USP39: variants seen among roughly 807,000 people sequenced by gnomAD.
The protein encoded by USP39 is ubiquitin carboxyl-terminal hydrolase 39.
USP39 carries 38 observed loss-of-function variants against 66.4 expected under a neutral mutation model. The ratio of observed to expected loss-of-function variants is 0.57; its 90% CI spans 0.44 to 0.75. USP39 has a LOEUF of 0.75. USP39 is among the 30% of genes least tolerant of loss of function. The pLI, the probability that USP39 is intolerant of heterozygous loss-of-function variation, is 0.00. For missense variants in USP39, 608 were observed against 714.4 expected (o/e 0.85, Z 1.70); for synonymous variants, 303 against 274.6 (o/e 1.10, Z -1.02).
intron 6 of USP39, 54 bp from the exon 7 acceptor site, chr2:85,635,999 G>A (rs796648763): frequency 2.4e-6 from 3 of 1,237,032 alleles, no homozygotes; most frequent in East Asian, 2.5e-5. Flanking sequence ...CATGGTTTAA[G>A]TTAACTCTAA....
intron 1 of USP39, among the ~76,000 whole-genome samples, chr2:85,603,755 G>T (rs1408510247): frequency 2.0e-5 from 3 of 151,856 alleles, no homozygotes; most frequent in Non-Finnish European, 4.4e-5. Context: ...ACCTCACCCG[G>T]CTAATTTTTT....
upstream of USP39, chr2:85,611,019 A>C (rs1673483771): frequency 6.4e-6 from 1 of 157,370 alleles, no homozygotes; most frequent in Non-Finnish European, 1.4e-5. Context: ...TCGGCCTCCC[A>C]AAGTGCTGGG....
upstream of USP39, chr2:85,607,376 C>T (rs922792145): frequency 6.6e-6 from 1 of 152,158 alleles, no homozygotes; most frequent in African/African-American, 2.4e-5. Flanking sequence ...ACTTCTAGCC[C>T]AGCTGCCTAA....
At chr2:85,634,390 A>G (rs1283500348) in intron 6 of USP39, among the ~76,000 whole-genome samples, 1 of 152,086 alleles carries the variant, frequency 6.6e-6, no homozygotes, top group African/African-American at 2.4e-5. Context: ...CTTGAGGAAC[A>G]TAGTGAGACT....
chr2:85,621,263 G>A, intron 2 of USP39: 2 of 446,072 alleles, frequency 4.5e-6, no homozygotes, highest in Non-Finnish European at 8.2e-6. Context: ...TGAGAAAGAG[G>A]CTCGTGGGTA....
At chr2:85,611,189 C>T (rs1673496610), upstream of USP39, 4 of 1,087,700 alleles carry the variant, frequency 3.7e-6, no homozygotes, top group Non-Finnish European at 4.6e-6. Context: ...GCCTGGGCGA[C>T]AGAGACCTAG....
chr2:85,612,091 G>A (rs2104172891), upstream of USP39: 1 of 1,020,016 alleles, frequency 9.8e-7, no homozygotes, highest in East Asian at 2.8e-5. Context: ...CCCGCATCCT[G>A]ACTTCCGGTC....
At chr2:85,636,248 A>G in intron 7 of USP39, 118 bp downstream of exon 7, 1 of 916,430 alleles carries the variant, frequency 1.1e-6, no homozygotes, top group Non-Finnish European at 1.7e-6. Context: ...TGGGTGGATT[A>G]CCTGAGGTCA....
intron 2 of USP39, among the ~76,000 whole-genome samples, chr2:85,620,273 G>A (rs953336288): frequency 1.3e-5 from 2 of 151,978 alleles, no homozygotes; most frequent in Non-Finnish European, 2.9e-5. Context: ...TTGAGCTCAG[G>A]AGTTTGAGCA....
rs533542740 is a variant in USP39 at position 85,621,521 on chromosome 2, T to C, written c.375T>C (p.Ser125=). The change falls in exon 3 of 13, where the codon TCT becomes TCC. Residue 125 remains serine, a synonymous_variant. Transcript: ENST00000323701. ...ACTTTGACTTTGAGAAACTGTGTTC[T>C]ATCTCCCTCTCACACATCAATGCTT... ...VLDFDFEKLC[S]ISLSHINAYA... is the part of the protein sequence containing the mutation. 12 of 1,614,198 alleles carry C rather than the reference T, an allele frequency of 7.4e-6. No homozygotes were observed. Among genetic ancestry groups the C allele is most frequent in the East Asian group, 2.2e-5 (1 of 44,886 alleles).
At chr2:85,625,065 C>T (rs1317707833) in intron 4 of USP39, among the ~76,000 whole-genome samples, 1 of 152,036 alleles carries the variant, frequency 6.6e-6, no homozygotes, top group Non-Finnish European at 1.5e-5. Flanking sequence ...CAGTCTGTGA[C>T]ATAATGACTG....
At chr2:85,629,054 C>T (rs1675102678) in intron 5 of USP39, among the ~76,000 whole-genome samples, 1 of 152,074 alleles carries the variant, frequency 6.6e-6, no homozygotes, top group Non-Finnish European at 1.5e-5. Flanking sequence ...TCCTCTTCCT[C>T]CCAGTTTCGT....
intron 10 of USP39, among the ~76,000 whole-genome samples, chr2:85,643,111 C>T (rs1676367895): frequency 6.6e-6 from 1 of 151,958 alleles, no homozygotes; most frequent in South Asian, 2.1e-4. Context: ...GCTCCTTTTC[C>T]TATTTACTAA....
At chr2:85,630,640 TAGG>T (rs1288492651) in intron 5 of USP39, 78 bp from the exon 6 acceptor site, 22 of 1,367,286 alleles carry the variant, frequency 1.6e-5, no homozygotes, top group African/African-American at 2.9e-5. Context: ...CAAATTCTAT[TAGG>T]AGAACTTTAA....
intron 7 of USP39, among the ~76,000 whole-genome samples, chr2:85,636,502 A>G (rs1480120766): frequency 1.3e-5 from 2 of 152,026 alleles, no homozygotes; most frequent in Non-Finnish European, 2.9e-5. Flanking sequence ...AGTCCCAATG[A>G]TATTTTATTA....
At chr2:85,630,312 T>C (rs2104294375) in intron 5 of USP39, among the ~76,000 whole-genome samples, 1 of 152,330 alleles carries the variant, frequency 6.6e-6, no homozygotes, top group Non-Finnish European at 1.5e-5. Context: ...TAGGTAGTTA[T>C]TTTTGCTTCA....
chr2:85,605,209 C>T (rs1673173178), intron 1 of USP39, among the ~76,000 whole-genome samples: 1 of 152,016 alleles, frequency 6.6e-6, no homozygotes, highest in Admixed American at 6.6e-5. Context: ...TTAACCTCCA[C>T]TTCCCCAAGT....
upstream of USP39, chr2:85,610,760 CTT>C (rs541919655): frequency 2.5e-4 from 31 of 123,720 alleles, no homozygotes; most frequent in Middle Eastern, 3.9e-3. Flanking sequence ...CTCTCTCTCT[CTT>C]TTTTTTTTTT....
intron 11 of USP39, among the ~76,000 whole-genome samples, chr2:85,646,702 AAGAC>A (rs897161192): frequency 6.6e-6 from 1 of 152,190 alleles, no homozygotes; most frequent in Non-Finnish European, 1.5e-5. Context: ...TTGGTTGGAT[AAGAC>A]AGGTGGGCGG....
Sources: gnomAD v4.1 joint callset for allele counts (sites outside exome capture counted in the v4.1 genomes callset) on GRCh38, gnomAD v4.1.1 for gene constraint, MANE v1.5 for transcripts, NCBI Gene and HGNC (gene_info 2026-07-23, HGNC 2026-07-21) for gene names.